The following ARHGEF26 variants were observed in gnomAD, a reference collection of about 807,000 sequenced individuals.
ARHGEF26 encodes the protein Rho guanine nucleotide exchange factor 26.
A neutral mutation model predicts 89.4 loss-of-function variants in ARHGEF26; 59 were observed. The ratio of observed to expected loss-of-function variants is 0.66; its 90% CI spans 0.54 to 0.82. The LOEUF is 0.82. ARHGEF26 is among the 40% of genes least tolerant of loss of function. The probability of loss-of-function intolerance (pLI) is 0.00; values close to 1 mark genes in which losing one functional copy is unlikely to be tolerated. For missense variants in ARHGEF26, 1,234 were observed against 1,085.6 expected (o/e 1.14, Z -1.92); for synonymous variants, 500 against 428.4 (o/e 1.17, Z -2.06).
intron 12 of ARHGEF26, among the ~76,000 whole-genome samples, chr3:154,247,842 A>G (rs1717893754): frequency 6.6e-6 from 1 of 152,226 alleles, no homozygotes; most frequent in African/African-American, 2.4e-5. Context: ...GCCCTAAGTC[A>G]TGGTATCGTC....
At chr3:154,141,061 A>G (rs1279395682) in intron 4 of ARHGEF26, among the ~76,000 whole-genome samples, 1 of 151,888 alleles carries the variant, frequency 6.6e-6, no homozygotes, top group East Asian at 1.9e-4. Context: ...TCCTGGGTTC[A>G]CGCAGTTCTC....
At chr3:154,199,213 C>T (rs1400630409) in intron 9 of ARHGEF26, among the ~76,000 whole-genome samples, 2 of 151,812 alleles carry the variant, frequency 1.3e-5, no homozygotes, top group East Asian at 1.9e-4. Context: ...CCCCAGCCCC[C>T]GACTACCCTT....
In ARHGEF26 at chr3:154,257,059, C is replaced by T. The variant is rs1718569156; in HGVS notation, c.*1586C>T. 7.3e-7 allele frequency: 1 copy of T among 1,376,948 alleles called. No individual in the cohort carries two copies. The highest frequency in any genetic ancestry group is 9.4e-7 in the Non-Finnish European group (1 of 1,060,032). The allele number at this position is 1,376,948 out of a possible 1,614,324, so 85.3% of individuals were successfully genotyped here. A position where few individuals can be genotyped will look rare whatever the true frequency, so the allele number is the denominator to read the frequency against. ...ATCTGTATGTGACATGTCCCAACTA[C>T]TGTCCGCTAACTAGTTATCCAAATT... On this transcript the variant is annotated 3_prime_UTR_variant, in exon 15 of 15. Transcript: ENST00000465093.
chr3:154,121,053 G>A (rs1318087752), upstream of ARHGEF26: 2 of 152,232 alleles, frequency 1.3e-5, no homozygotes, highest in African/African-American at 4.8e-5. Flanking sequence ...TACGCCGCGC[G>A]TTCTCGGTTT....
At chr3:154,191,521 G>A in intron 8 of ARHGEF26, 103 bp downstream of exon 8, 1 of 1,369,652 alleles carries the variant, frequency 7.3e-7, no homozygotes, top group African/African-American at 1.5e-5. Flanking sequence ...ATATTTAAAG[G>A]TCTAAAAATC....
At chr3:154,198,885 T>G (rs1200885772) in intron 9 of ARHGEF26, among the ~76,000 whole-genome samples, 1 of 152,096 alleles carries the variant, frequency 6.6e-6, no homozygotes. Flanking sequence ...ATAAATTTTT[T>G]TATAGATAAG....
chr3:154,138,476 C>T (rs993869351), intron 4 of ARHGEF26, among the ~76,000 whole-genome samples: 14 of 152,068 alleles, frequency 9.2e-5, no homozygotes, highest in Non-Finnish European at 2.9e-5. Context: ...CTGGTTGGAG[C>T]TCACTAATTA....
chr3:154,122,155 G>A lies in ARHGEF26; in HGVS notation c.163G>A (p.Asp55Asn). 1 of 1,600,584 alleles carries A rather than the reference G, an allele frequency of 6.2e-7. No homozygotes were observed. ...ACTAATTACGGATTTCCCGGTGGAG[G>A]ACGGAGGGACGCTCCTCGCAGCGCA... ...GLLITDFPVE[D>N]GGTLLAAQIP... The change falls in exon 2 of 15, where the codon GAC becomes AAC. Residue 55 changes from aspartate (D) to asparagine (N), a missense_variant. Transcript: ENST00000465093.
chr3:154,126,949 T>C (rs1165509151), intron 3 of ARHGEF26, among the ~76,000 whole-genome samples: 1 of 152,186 alleles, frequency 6.6e-6, no homozygotes, highest in African/African-American at 2.4e-5. Context: ...TACTGAATAC[T>C]GTAGGCAGTT....
At chr3:154,135,124 A>G (rs781410478) in intron 4 of ARHGEF26, among the ~76,000 whole-genome samples, 21 of 151,800 alleles carry the variant, frequency 1.4e-4, no homozygotes, top group Admixed American at 2.6e-4. Context: ...CTCTTCTCCA[A>G]TTTTTTTTGG....
intron 5 of ARHGEF26, among the ~76,000 whole-genome samples, chr3:154,150,223 A>T (rs546259112): frequency 3.1e-4 from 47 of 151,556 alleles, no homozygotes; most frequent in African/African-American, 1.1e-3. Context: ...AAAAAATAAT[A>T]GTATAGAACT....
chr3:154,254,690 GA>G, intron 13 of ARHGEF26, 29 bp from the exon 14 acceptor site: 1 of 1,576,050 alleles, frequency 6.3e-7, no homozygotes, highest in Non-Finnish European at 8.7e-7. Flanking sequence ...TCTGCTACTG[GA>G]AACTTAGTAT....
At chr3:154,139,347 A>G (rs1382025269) in intron 4 of ARHGEF26, among the ~76,000 whole-genome samples, 1 of 152,190 alleles carries the variant, frequency 6.6e-6, no homozygotes, top group African/African-American at 2.4e-5. Flanking sequence ...AATATATCAT[A>G]TACTCGGATG....
In ARHGEF26 at chr3:154,122,677, G is replaced by C. The variant is rs964252414; in HGVS notation, c.685G>C (p.Glu229Gln). The C allele has an allele frequency of 5.6e-6, 9 of 1,613,848 alleles. No individual in the cohort carries two copies. Among genetic ancestry groups the C allele is most frequent in the Non-Finnish European group, 7.6e-6 (9 of 1,179,848 alleles). ...RLPSQENELL[E>Q]NPSVVLSTNS... ...GCCCTCCCAGGAGAACGAGCTCCTC[G>C]AGAATCCTTCCGTGGTTTTGAGTAC... Residue 229 changes from glutamate (E) to glutamine (Q), a missense_variant, in exon 2 of 15, where the codon GAG (glutamate) becomes CAG (glutamine). Transcript: ENST00000465093.
chr3:154,184,652 G>T (rs941533321), intron 6 of ARHGEF26, among the ~76,000 whole-genome samples: 1 of 152,048 alleles, frequency 6.6e-6, no homozygotes, highest in Non-Finnish European at 1.5e-5. Context: ...CCCTATGCTG[G>T]GTCCTCTTGA....
At chr3:154,132,378 C>T (rs1289362745) in intron 4 of ARHGEF26, among the ~76,000 whole-genome samples, 1 of 152,108 alleles carries the variant, frequency 6.6e-6, no homozygotes, top group African/African-American at 2.4e-5. Context: ...TCCTACCTCC[C>T]CAGAGATAAC....
chr3:154,248,503 AT>A (rs911805571), intron 12 of ARHGEF26, among the ~76,000 whole-genome samples: 8 of 152,076 alleles, frequency 5.3e-5, no homozygotes, highest in African/African-American at 1.9e-4. Context: ...AGGGTATAGC[AT>A]TTTTTTCCTT....
chr3:154,190,169 AAG>A (rs1416912841), intron 7 of ARHGEF26, among the ~76,000 whole-genome samples: 2 of 152,100 alleles, frequency 1.3e-5, no homozygotes, highest in Non-Finnish European at 2.9e-5. Flanking sequence ...GAAGTGAGGT[AAG>A]AGAGTGAGAA....
At chr3:154,185,328 A>T (rs1453089122) in intron 6 of ARHGEF26, among the ~76,000 whole-genome samples, 1 of 152,158 alleles carries the variant, frequency 6.6e-6, no homozygotes, top group Non-Finnish European at 1.5e-5. Context: ...TTAAGACGGC[A>T]GATGCAAGTA....
Sources: allele counts gnomAD v4.1 joint callset (sites outside exome capture counted in the v4.1 genomes callset), GRCh38; gene constraint gnomAD v4.1.1; transcripts MANE v1.5; gene names NCBI Gene and HGNC (gene_info 2026-07-23, HGNC 2026-07-21).